Variants in GABRA3 observed in about 807,000 individuals in gnomAD.
GABRA3 encodes the protein gamma-aminobutyric acid type A receptor subunit alpha3.
In GABRA3, 10 loss-of-function variants were observed where a neutral mutation model predicts 30.1. The observed-to-expected ratio is 0.33, with a 90% CI of 0.20 to 0.56. GABRA3 has a LOEUF of 0.56. GABRA3 is among the 20% of genes least tolerant of loss of function. The pLI, the probability that GABRA3 is intolerant of heterozygous loss-of-function variation, is 0.89. For synonymous variants in GABRA3, 151 were observed against 146.8 expected, an observed-to-expected ratio of 1.03 and a Z score of -0.21; for missense variants, 233 against 392.0, an observed-to-expected ratio of 0.59 and a Z score of 3.42.
intron 6 of GABRA3, among the ~76,000 whole-genome samples, chrX:152,222,354 C>T (rs764492033): frequency 2.8e-5 from 3 of 106,314 alleles, no homozygotes; most frequent in South Asian, 8.6e-4. Context: ...CCATTGAATT[C>T]GAATTTAAGA....
chrX:152,424,939 T>C (rs1476965038), intron 1 of GABRA3, among the ~76,000 whole-genome samples: 1 of 92,464 alleles, frequency 1.1e-5, no homozygotes, highest in African/African-American at 4.0e-5. Flanking sequence ...TTTTTTTTTT[T>C]TTTTTTTTTT....
At chrX:152,264,140 G>A (rs972213531) in intron 4 of GABRA3, among the ~76,000 whole-genome samples, 4 of 111,099 alleles carry the variant, frequency 3.6e-5, no homozygotes, top group Non-Finnish European at 7.6e-5. Flanking sequence ...TAATCTGAAG[G>A]TACAAAACTC....
intron 7 of GABRA3, among the ~76,000 whole-genome samples, chrX:152,199,880 G>T (rs1264939319): frequency 4.5e-5 from 5 of 110,169 alleles, no homozygotes. Flanking sequence ...CAATCAATCA[G>T]CCAACTCTTC....
chrX:152,265,195 AT>A (rs1195069587), intron 4 of GABRA3, among the ~76,000 whole-genome samples: 1 of 111,182 alleles, frequency 9.0e-6, no homozygotes, highest in Non-Finnish European at 1.9e-5. Flanking sequence ...CAGAATACAC[AT>A]TTTTTTCCTC....
chrX:152,288,292 C>A (rs185999189), intron 3 of GABRA3, among the ~76,000 whole-genome samples: 13 of 111,923 alleles, frequency 1.2e-4, no homozygotes, highest in African/African-American at 3.9e-4. Flanking sequence ...CCTGATAACA[C>A]ATGGAGAAGA....
intron 3 of GABRA3, among the ~76,000 whole-genome samples, chrX:152,343,447 CA>C (rs201238204): frequency 0.021 from 1,859 of 88,901 alleles, 41 homozygotes; most frequent in East Asian, 0.13. Flanking sequence ...ACCTCAAATC[CA>C]AAAAAAAAAA....
chrX:152,368,728 CAG>C (rs1479896221), intron 1 of GABRA3, among the ~76,000 whole-genome samples: 1 of 68,031 alleles, frequency 1.5e-5, no homozygotes. Flanking sequence ...TTTTTTGAGA[CAG>C]AGTCTCGCTC....
At chrX:152,267,683 C>T (rs1938852157) in intron 4 of GABRA3, among the ~76,000 whole-genome samples, 1 of 111,526 alleles carries the variant, frequency 9.0e-6, no homozygotes, top group Non-Finnish European at 1.9e-5. Flanking sequence ...TCTATCTCAT[C>T]ACTCATTATT....
At chrX:152,349,475 T>G (rs930121719) in intron 2 of GABRA3, among the ~76,000 whole-genome samples, 3 of 107,892 alleles carry the variant, frequency 2.8e-5, no homozygotes, top group African/African-American at 6.8e-5. Flanking sequence ...TAAATGTAAA[T>G]GGACTAAGTG....
chrX:152,294,676 G>GCCAA (rs1939492542), intron 3 of GABRA3, among the ~76,000 whole-genome samples: 1 of 111,455 alleles, frequency 9.0e-6, no homozygotes, highest in African/African-American at 3.3e-5. Context: ...CATTGCTGGT[G>GCCAA]AGGAGCTGCG....
chrX:152,339,150 TAAACTC>T (rs1450860868), intron 3 of GABRA3, among the ~76,000 whole-genome samples: 2 of 111,034 alleles, frequency 1.8e-5, no homozygotes, highest in African/African-American at 6.5e-5. Context: ...TATTAATAAA[TAAACTC>T]AAATACAGCC....
At chrX:152,313,809 T>C (rs1939832254) in intron 3 of GABRA3, among the ~76,000 whole-genome samples, 2 of 111,720 alleles carry the variant, frequency 1.8e-5, no homozygotes, top group Non-Finnish European at 3.8e-5. Context: ...GCTGTCTTTA[T>C]GGTGTTTGTG....
At chrX:152,322,676 G>A (rs1035988632) in intron 3 of GABRA3, among the ~76,000 whole-genome samples, 4 of 106,647 alleles carry the variant, frequency 3.8e-5, no homozygotes, top group Non-Finnish European at 5.8e-5. Context: ...TGGGATTACA[G>A]GTGCACACTA....
At chrX:152,418,410 T>C (rs886632247) in intron 1 of GABRA3, among the ~76,000 whole-genome samples, 2 of 111,180 alleles carry the variant, frequency 1.8e-5, no homozygotes, top group African/African-American at 6.5e-5. Context: ...TTAAGCAAAT[T>C]AATTCTAAAT....
chrX:152,248,194 G>A (rs1447150656), intron 5 of GABRA3, among the ~76,000 whole-genome samples: 1 of 108,685 alleles, frequency 9.2e-6, no homozygotes, highest in African/African-American at 3.4e-5. Context: ...ATGCAACCAG[G>A]GATTTCAATT....
chrX:152,280,961 G>C (rs1162064397), intron 4 of GABRA3, among the ~76,000 whole-genome samples: 1 of 111,031 alleles, frequency 9.0e-6, no homozygotes, highest in African/African-American at 3.3e-5. Context: ...ACAAATACTT[G>C]TTAATTACAT....
chrX:152,334,849 C>T (rs1238608779), intron 3 of GABRA3, among the ~76,000 whole-genome samples: 1 of 111,328 alleles, frequency 9.0e-6, no homozygotes, highest in Non-Finnish European at 1.9e-5. Flanking sequence ...AACCGAGAAC[C>T]ATTCCCACCC....
In GABRA3 at chrX:152,288,514, T is replaced by C. The variant is rs6627223; in HGVS notation, c.263-3779A>G. Among the ~76,000 whole-genome samples, 64 of 112,425 alleles carry C rather than the reference T, an allele frequency of 5.7e-4. 4 individuals carry two copies. The East Asian group carries it at 7.6e-3, about 13-fold the overall frequency. ...AGTACATGTTAGCTAATGCTGCTGCTTAATACTATTTCTGAGAATAGATCA... is the reference window on the plus strand; with the variant it reads ...AGTACATGTTAGCTAATGCTGCTGCCTAATACTATTTCTGAGAATAGATCA... On this transcript the variant is annotated intron_variant, in intron 3 of 9. Coordinates refer to ENST00000370314, the MANE Select transcript of GABRA3 (RefSeq NM_000808.4).
In GABRA3 at chrX:152,365,859, A is replaced by G. The variant is rs756160922; in HGVS notation, c.-26-1263T>C. Among the ~76,000 whole-genome samples, 74 of 111,900 alleles carry G rather than the reference A, an allele frequency of 6.6e-4. 1 individual carries two copies. The highest frequency in any genetic ancestry group is 1.5e-4 in the Non-Finnish European group (8 of 53,110). The stretch of plus-strand genomic sequence containing the variant: ...ATTTGAAAAACTACAACAATGGAGA[A>G]GACAGACTTCTGACATGATGAAGTG... On this transcript the variant is annotated intron_variant, in intron 1 of 9. Coordinates refer to ENST00000370314, the MANE Select transcript of GABRA3 (RefSeq NM_000808.4).
Sources: gnomAD v4.1 joint callset for allele counts (sites outside exome capture counted in the v4.1 genomes callset) on GRCh38, gnomAD v4.1.1 for gene constraint, MANE v1.5 for transcripts, NCBI Gene and HGNC (gene_info 2026-07-23, HGNC 2026-07-21) for gene names.